Variants in GLS observed in about 807,000 individuals in gnomAD.
GLS encodes glutaminase kidney isoform, mitochondrial.
GLS carries 36 observed loss-of-function variants against 86.7 expected under a neutral mutation model. The observed-to-expected ratio is 0.42, with a 90% CI of 0.32 to 0.55. The LOEUF (loss-of-function observed/expected upper bound fraction) is 0.55. GLS is among the 20% of genes least tolerant of loss of function. GLS has a pLI of 0.17. For missense variants in GLS, 528 were observed against 833.4 expected (o/e 0.63, Z 4.51); for synonymous variants, 317 against 305.9 (o/e 1.04, Z -0.38).
Position 190,923,909 on chromosome 2 carries a change from T to G in GLS, c.1131-8T>G, listed in dbSNP as rs1176705241. The G allele has an allele frequency of 1.3e-6, 2 of 1,539,294 alleles. No homozygotes were observed. Among genetic ancestry groups the G allele is most frequent in the South Asian group, 1.2e-5 (1 of 85,654 alleles). ...ACATAGAGCAAATGTTTTTTTTTCTTCTTCCAGGTTTCAGTCTGAAAGAGA... is the reference window on the plus strand; with the variant it reads ...ACATAGAGCAAATGTTTTTTTTTCTGCTTCCAGGTTTCAGTCTGAAAGAGA... On this transcript the variant is annotated splice_polypyrimidine_tract_variant and splice_region_variant and intron_variant, in intron 9 of 17. Transcript: ENST00000320717.
At chr2:190,933,820 G>T in intron 14 of GLS, 1 of 667,358 alleles carries the variant, frequency 1.5e-6, no homozygotes, top group Non-Finnish European at 1.9e-6. Context: ...ATCTCATAAA[G>T]TTTGTTCTAT....
At chr2:190,937,359 A>G (rs1394126412) in intron 14 of GLS, among the ~76,000 whole-genome samples, 1 of 151,368 alleles carries the variant, frequency 6.6e-6, no homozygotes, top group East Asian at 1.9e-4. Flanking sequence ...TAATCTGAAT[A>G]CCATAAAATG....
chr2:190,890,444 C>T (rs534393352), intron 1 of GLS, among the ~76,000 whole-genome samples: 10 of 152,262 alleles, frequency 6.6e-5, no homozygotes, highest in African/African-American at 2.2e-4. Flanking sequence ...CCTTTTTTAG[C>T]AGTAAAGCCT....
intron 7 of GLS, among the ~76,000 whole-genome samples, chr2:190,910,737 G>C (rs1019827211): frequency 6.6e-6 from 1 of 151,276 alleles, no homozygotes; most frequent in Non-Finnish European, 1.5e-5. Flanking sequence ...GGGAACAAAT[G>C]TTCTGGTACT....
Position 190,963,100 on chromosome 2 carries a change from G to T in GLS, c.*114G>T. On this transcript the variant is annotated 3_prime_UTR_variant, in exon 18 of 18. Transcript: ENST00000320717. The stretch of plus-strand genomic sequence containing the variant: ...TGTATATTTTACATTTGTCATTTCA[G>T]TGTTACTGGAGTTTTCTTCATTGTG... The T allele has an allele frequency of 1.3e-6, 1 of 755,268 alleles. No homozygotes were observed. The highest frequency in any genetic ancestry group is 1.8e-5 in the African/African-American group (1 of 55,934). 46.8% of individuals were successfully genotyped at this position (755,268 alleles called of 1,614,324 possible).
chr2:190,881,220 G>A lies in GLS; in HGVS notation c.136G>A (p.Ala46Thr). 2 of 1,245,704 alleles carry A rather than the reference G, an allele frequency of 1.6e-6. No individual in the cohort carries two copies. Among genetic ancestry groups the A allele is most frequent in the East Asian group, 3.3e-5 (1 of 30,690 alleles). 77.2% of individuals were successfully genotyped at this position (1,245,704 alleles called of 1,614,324 possible). ...TCCCCGAGGCGGGGGACGGCCGGCCGCGGGCCCGGCTGCCGCCGCGCGACT... is the reference window on the plus strand; with the variant it reads ...TCCCCGAGGCGGGGGACGGCCGGCCACGGGCCCGGCTGCCGCCGCGCGACT... Reference protein sequence around the residue: ...RRPRGGGRPAAGPAAAARLHP... With the variant: ...RRPRGGGRPATGPAAAARLHP... Residue 46 changes from alanine to threonine, a missense_variant, in exon 1 of 18, where the codon GCG (alanine) becomes ACG (threonine). Physicochemically the swap from Ala to Thr is moderately conservative, Grantham distance 58. This residue lies in a region of GLS where 224 missense variants were observed against 187.9 expected (regional missense o/e 1.19). Transcript: ENST00000320717.
chr2:190,952,089 C>T (rs1171573764), intron 14 of GLS, among the ~76,000 whole-genome samples: 7 of 152,136 alleles, frequency 4.6e-5, no homozygotes, highest in South Asian at 2.1e-4. Flanking sequence ...TAAAATGTAT[C>T]GGATTGAGGT....
At chr2:190,961,438 G>A (rs1459838425) in intron 17 of GLS, among the ~76,000 whole-genome samples, 3 of 152,102 alleles carry the variant, frequency 2.0e-5, no homozygotes, top group African/African-American at 7.2e-5. Context: ...CTCAAGTGGT[G>A]CACCCACCTT....
chr2:190,924,106 T>C lies in GLS; in HGVS notation c.1197+123T>C, dbSNP rs1689827479. 3.7e-5 allele frequency: 23 copies of C among 616,644 alleles called. No individual in the cohort carries two copies. The South Asian group carries it at 4.7e-4, about 13-fold the overall frequency. The allele number at this position is 616,644 out of a possible 1,614,324, so 38.2% of individuals were successfully genotyped here. On this transcript the variant is annotated intron_variant, in intron 10 of 17. Transcript: ENST00000320717. The surrounding 1 kb of genome is among the most constrained non-coding windows in gnomAD (Gnocchi z 5.2). ...CCTATTACTATTTAAGGTGCAGAAGTTTTTGCAGAGTGCTCGTGAGTCAGT... is the reference window on the plus strand; with the variant it reads ...CCTATTACTATTTAAGGTGCAGAAGCTTTTGCAGAGTGCTCGTGAGTCAGT...
At chr2:190,884,246 C>T (rs1688302352) in intron 1 of GLS, among the ~76,000 whole-genome samples, 3 of 152,214 alleles carry the variant, frequency 2.0e-5, no homozygotes, top group East Asian at 1.9e-4. Flanking sequence ...TCCCTTCTTT[C>T]AGCTTTGACT....
chr2:190,890,808 T>A (rs1040342515), intron 1 of GLS, among the ~76,000 whole-genome samples: 1 of 152,302 alleles, frequency 6.6e-6, no homozygotes, highest in African/African-American at 2.4e-5. Context: ...TCATTTTTTT[T>A]AATCCCACTT....
chr2:190,945,957 G>A (rs550648150), intron 14 of GLS, among the ~76,000 whole-genome samples: 2 of 152,002 alleles, frequency 1.3e-5, no homozygotes, highest in Admixed American at 6.6e-5. Context: ...CCAACCCTCC[G>A]AATCATATCA....
In GLS at chr2:190,898,308, T is replaced by A. The variant is rs114774483; in HGVS notation, c.606-2256T>A. ...ACACTTAAGGAAAGAAAATGATTATTCCCGGCTTACAGATAAGAAAACTGA... is the reference window on the plus strand; with the variant it reads ...ACACTTAAGGAAAGAAAATGATTATACCCGGCTTACAGATAAGAAAACTGA... On this transcript the variant is annotated intron_variant, in intron 3 of 17. Transcript: ENST00000320717. Among the ~76,000 whole-genome samples, 583 of 152,330 alleles carry A rather than the reference T, an allele frequency of 3.8e-3. 3 individuals are homozygous for A. The highest frequency in any genetic ancestry group is 0.013 in the African/African-American group (548 of 41,574).
At chr2:190,899,779 C>T (rs1178174841) in intron 3 of GLS, among the ~76,000 whole-genome samples, 4 of 152,020 alleles carry the variant, frequency 2.6e-5, no homozygotes, top group Non-Finnish European at 5.9e-5. Flanking sequence ...TTCTTTTTAG[C>T]AAAAAGCAGA....
At chr2:190,889,971 T>C (rs1483040750) in intron 1 of GLS, among the ~76,000 whole-genome samples, 1 of 152,140 alleles carries the variant, frequency 6.6e-6, no homozygotes, top group African/African-American at 2.4e-5. Context: ...TTTATTATTG[T>C]TTAAGAATTA....
Position 190,927,500 on chromosome 2 carries a change from C to T in GLS, c.1425+18C>T. 6.4e-7 allele frequency: 1 copy of T among 1,563,470 alleles called. No homozygotes were observed. The highest frequency in any genetic ancestry group is 8.7e-7 in the Non-Finnish European group (1 of 1,145,814). On this transcript the variant is annotated intron_variant, in intron 12 of 17. Coordinates refer to ENST00000320717, the MANE Select transcript of GLS (RefSeq NM_014905.5). ...CTTTCCATGTAAGTAATTGTTTAATCTTATTTTCTCTGGCAAGAAACTAGT... is the reference window on the plus strand; with the variant it reads ...CTTTCCATGTAAGTAATTGTTTAATTTTATTTTCTCTGGCAAGAAACTAGT...
intron 7 of GLS, among the ~76,000 whole-genome samples, chr2:190,917,238 A>G (rs2124885696): frequency 6.6e-6 from 1 of 152,340 alleles, no homozygotes; most frequent in South Asian, 2.1e-4. Context: ...AATGATCTTC[A>G]GAGCATCTTT....
intron 1 of GLS, among the ~76,000 whole-genome samples, chr2:190,888,265 T>C (rs1165005534): frequency 6.6e-6 from 1 of 152,202 alleles, no homozygotes; most frequent in East Asian, 1.9e-4. Context: ...TGTATGAATT[T>C]GCACAGCTCC....
At chr2:190,940,646 T>G (rs1047678077) in intron 14 of GLS, among the ~76,000 whole-genome samples, 4 of 152,076 alleles carry the variant, frequency 2.6e-5, no homozygotes. Context: ...TTCCCACTTG[T>G]GTGACCTTAA....
Sources: allele counts gnomAD v4.1 joint callset (sites outside exome capture counted in the v4.1 genomes callset), GRCh38; gene constraint gnomAD v4.1.1; regional missense constraint gnomAD v4.1.1; non-coding constraint Gnocchi (gnomAD v3.1); transcripts MANE v1.5; gene names NCBI Gene and HGNC (gene_info 2026-07-23, HGNC 2026-07-21).